The following ITGA9 variants were observed in gnomAD, a reference collection of about 807,000 sequenced individuals.
ITGA9 encodes integrin alpha-9.
A neutral mutation model predicts 127.8 loss-of-function variants in ITGA9; 56 were observed. The ratio of observed to expected loss-of-function variants is 0.44; its 90% CI spans 0.35 to 0.55. The LOEUF is 0.55. ITGA9 is among the 20% of genes least tolerant of loss of function. The pLI, the probability that ITGA9 is intolerant of heterozygous loss-of-function variation, is 0.00. For synonymous variants in ITGA9, 508 were observed against 514.5 expected (o/e 0.99, Z 0.17); for missense variants, 1,196 against 1,347.1 (o/e 0.89, Z 1.76).
At chr3:37,737,161 A>G (rs1446674586) in intron 20 of ITGA9, among the ~76,000 whole-genome samples, 178 bp downstream of exon 20, 4 of 152,170 alleles carry the variant, frequency 2.6e-5, no homozygotes. Flanking sequence ...GTGGTTGCCT[A>G]GTGCTGCTTG....
At chr3:37,480,499 C>A (rs1025995389) in intron 3 of ITGA9, among the ~76,000 whole-genome samples, 3 of 152,236 alleles carry the variant, frequency 2.0e-5, no homozygotes, top group Admixed American at 2.0e-4. Flanking sequence ...AAACCAGCCA[C>A]TCCCTGGCAT....
Position 37,532,322 on chromosome 3 carries a change from G to A in ITGA9, c.1374-992G>A, listed in dbSNP as rs1182019886. Among the ~76,000 whole-genome samples the A allele has an allele frequency of 2.0e-5, 3 of 152,140 alleles. No homozygotes were observed. In the East Asian group the frequency reaches 5.8e-4, roughly 29 times the overall value. ...TTTGTTCACCCAGATTTTCCTTAAC[G>A]CTTTCTTCCATTGGAGTTGGTGTGG... is the stretch of plus-strand genomic sequence containing the variant. On this transcript the variant is annotated intron_variant, in intron 13 of 27. Coordinates refer to ENST00000264741, the MANE Select transcript of ITGA9 (RefSeq NM_002207.3).
intron 23 of ITGA9, among the ~76,000 whole-genome samples, chr3:37,776,991 T>A (rs561721777): frequency 6.6e-6 from 1 of 152,324 alleles, no homozygotes; most frequent in Admixed American, 6.5e-5. Context: ...CCTGGGTTCT[T>A]GACTCCATGA....
chr3:37,811,086 A>T (rs1232412664), intron 27 of ITGA9, among the ~76,000 whole-genome samples: 1 of 152,192 alleles, frequency 6.6e-6, no homozygotes. Context: ...AGCTAACCAG[A>T]CCGCTCTTCA....
intron 14 of ITGA9, among the ~76,000 whole-genome samples, chr3:37,538,619 G>A (rs749007889): frequency 6.6e-6 from 1 of 152,208 alleles, no homozygotes; most frequent in African/African-American, 2.4e-5. Context: ...CCCTGACCGC[G>A]GAGCCCGGGC....
intron 15 of ITGA9, among the ~76,000 whole-genome samples, chr3:37,617,669 TTCTTTTTTC>T (rs1489781863): frequency 6.6e-6 from 1 of 152,232 alleles, no homozygotes; most frequent in Non-Finnish European, 1.5e-5. Flanking sequence ...TTTCTTTTTA[TTCTTTTTTC>T]TCTAAACTTC....
intron 15 of ITGA9, among the ~76,000 whole-genome samples, chr3:37,565,810 T>G (rs1699541087): frequency 6.6e-6 from 1 of 152,354 alleles, no homozygotes; most frequent in South Asian, 2.1e-4. Flanking sequence ...TCCCACGTGA[T>G]GCTGCTGGTC....
intron 14 of ITGA9, among the ~76,000 whole-genome samples, chr3:37,536,903 C>T (rs1699213245): frequency 6.6e-6 from 1 of 152,228 alleles, no homozygotes; most frequent in Non-Finnish European, 1.5e-5. Context: ...GCTGCCGCCT[C>T]CAGGTCTGCA....
At chr3:37,574,189 G>T (rs1699630163) in intron 15 of ITGA9, among the ~76,000 whole-genome samples, 1 of 152,134 alleles carries the variant, frequency 6.6e-6, no homozygotes, top group Admixed American at 6.5e-5. Flanking sequence ...TTTATTTTTG[G>T]TTCTGATATT....
At chr3:37,815,499 C>T (rs1374997638) in intron 27 of ITGA9, among the ~76,000 whole-genome samples, 6 of 151,922 alleles carry the variant, frequency 3.9e-5, no homozygotes, top group African/African-American at 1.5e-4. Flanking sequence ...GTCCCAGCTA[C>T]TCGAGAGGCT....
chr3:37,541,505 C>T lies in ITGA9; in HGVS notation c.1529-920C>T, dbSNP rs542902546. Among the ~76,000 whole-genome samples, 3 of 152,240 alleles carry T rather than the reference C, an allele frequency of 2.0e-5. No homozygotes were observed. The South Asian group carries it at 6.2e-4, about 32-fold the overall frequency. On this transcript the variant is annotated intron_variant, in intron 14 of 27. Transcript: ENST00000264741. Reference sequence around the variant, plus strand: ...CTGAAATAACAGAGGTAGATCCTTCCAGGTTTATCTAGCCTGCATTTGATA... The same window carrying T: ...CTGAAATAACAGAGGTAGATCCTTCTAGGTTTATCTAGCCTGCATTTGATA...
chr3:37,685,641 A>G (rs4605497), intron 18 of ITGA9, among the ~76,000 whole-genome samples: 12,066 of 152,174 alleles, frequency 0.079, 1,446 homozygotes, highest in African/African-American at 0.26. Context: ...AAAAGATGTA[A>G]TTGGCAACTG....
chr3:37,479,789 T>C (rs545681915), intron 3 of ITGA9, among the ~76,000 whole-genome samples: 11 of 152,316 alleles, frequency 7.2e-5, no homozygotes, highest in Admixed American at 5.2e-4. Context: ...ATTCCAGTGC[T>C]GTTTGCAGCA....
chr3:37,741,118 A>G (rs150090918), intron 20 of ITGA9, among the ~76,000 whole-genome samples: 2 of 152,310 alleles, frequency 1.3e-5, no homozygotes, highest in Admixed American at 6.5e-5. Flanking sequence ...TAGCACACAC[A>G]GTAGGTGCCC....
chr3:37,563,964 A>AT (rs2125601253), intron 15 of ITGA9, among the ~76,000 whole-genome samples: 1 of 152,322 alleles, frequency 6.6e-6, no homozygotes, highest in East Asian at 1.9e-4. Flanking sequence ...TTCCCAAAGC[A>AT]TTTTTTCAAA....
intron 4 of ITGA9, among the ~76,000 whole-genome samples, chr3:37,489,796 T>C (rs1698649604): frequency 6.6e-6 from 1 of 152,042 alleles, no homozygotes. Context: ...AGAAACAAAA[T>C]GCTTGTTCCT....
chr3:37,775,190 T>C (rs1432782175), intron 23 of ITGA9, among the ~76,000 whole-genome samples: 1 of 152,122 alleles, frequency 6.6e-6, no homozygotes, highest in African/African-American at 2.4e-5. Flanking sequence ...AACAACTCCA[T>C]TAAAAGGAGG....
intron 8 of ITGA9, among the ~76,000 whole-genome samples, chr3:37,511,311 C>T (rs1698902164): frequency 6.6e-6 from 1 of 152,192 alleles, no homozygotes; most frequent in African/African-American, 2.4e-5. Flanking sequence ...CACACATCTC[C>T]ACATTTCCAG....
intron 18 of ITGA9, among the ~76,000 whole-genome samples, chr3:37,715,664 T>A (rs1377756292): frequency 6.6e-6 from 1 of 152,204 alleles, no homozygotes; most frequent in Non-Finnish European, 1.5e-5. Context: ...ATCCTTAATG[T>A]TTGGCGGGTG....
Sources: allele counts gnomAD v4.1 joint callset (sites outside exome capture counted in the v4.1 genomes callset), GRCh38; gene constraint gnomAD v4.1.1; transcripts MANE v1.5; gene names NCBI Gene and HGNC (gene_info 2026-07-23, HGNC 2026-07-21).